SORL1: variants seen among roughly 807,000 people sequenced by gnomAD.
SORL1 encodes the protein sortilin related receptor 1.
In SORL1, 127 loss-of-function variants were observed where a neutral mutation model predicts 273.7. That is an observed-to-expected ratio of 0.46 (90% CI 0.40 to 0.54). The LOEUF (loss-of-function observed/expected upper bound fraction) is 0.54. Ranked by LOEUF, SORL1 falls within the 20% of genes least tolerant of loss-of-function variation. The probability of loss-of-function intolerance (pLI) is 0.00; values close to 1 mark genes in which losing one functional copy is unlikely to be tolerated. For missense variants in SORL1, 2,494 were observed against 2,846.1 expected, an observed-to-expected ratio of 0.88 and a Z score of 2.81; for synonymous variants, 1,031 against 1,067.4, an observed-to-expected ratio of 0.97 and a Z score of 0.66.
chr11:121,503,982 A>G (rs1861751518), intron 6 of SORL1, among the ~76,000 whole-genome samples: 1 of 152,230 alleles, frequency 6.6e-6, no homozygotes, highest in Admixed American at 6.5e-5. Context: ...CACAATTTGG[A>G]GAGTGTTATC....
intron 5 of SORL1, among the ~76,000 whole-genome samples, chr11:121,495,534 A>G (rs1861616860): frequency 6.6e-6 from 1 of 152,204 alleles, no homozygotes; most frequent in South Asian, 2.1e-4. Context: ...ATGGGATTGT[A>G]TAAGGGCAGT....
At chr11:121,575,083 C>A (rs1202294560) in intron 24 of SORL1, among the ~76,000 whole-genome samples, 3 of 152,122 alleles carry the variant, frequency 2.0e-5, no homozygotes, top group Non-Finnish European at 4.4e-5. Context: ...GTTACAATTC[C>A]AAGGAATGAT....
Position 121,550,660 on chromosome 11 carries a change from T to C in SORL1, c.2256T>C (p.Cys752=). Residue 752 remains cysteine (C), a synonymous_variant, in exon 16 of 48, where the codon TGT becomes TGC. Coordinates refer to ENST00000260197, the MANE Select transcript of SORL1 (RefSeq NM_003105.6). This position sits in a 1 kb window ranked among gnomAD's most constrained non-coding sequence, Gnocchi z 5.3. ...EARLEGELVP[C]PLAEENEFIL... is the part of the protein sequence containing the mutation. The stretch of plus-strand genomic sequence containing the variant: ...GACTGGAAGGAGAGCTGGTCCCCTG[T>C]CCCCTGGCAGGTAAGAGAGGTGGTT... 1 of 1,613,394 alleles carries C rather than the reference T, an allele frequency of 6.2e-7. No individual in the cohort carries two copies. Among genetic ancestry groups the C allele is most frequent in the Non-Finnish European group, 8.5e-7 (1 of 1,179,336 alleles).
In SORL1 at chr11:121,631,384, A is replaced by C. The variant is rs972106393; in HGVS notation, c.*1821A>C. The C allele has an allele frequency of 1.3e-5, 2 of 149,884 alleles. No homozygotes were observed. The highest frequency in any genetic ancestry group is 6.6e-5 in the Admixed American group (1 of 15,044). The allele number at this position is 149,884 out of a possible 1,614,324, so 9.3% of individuals were successfully genotyped here. A position where few individuals can be genotyped will look rare whatever the true frequency, so the allele number is the denominator to read the frequency against. ...CTTTCCTAAGTTTTTTTTTTTAAAGACTGGAATTTTTTTTGGCTTTATCTT... is the reference window on the plus strand; with the variant it reads ...CTTTCCTAAGTTTTTTTTTTTAAAGCCTGGAATTTTTTTTGGCTTTATCTT... On this transcript the variant is annotated 3_prime_UTR_variant, in exon 48 of 48. Coordinates refer to ENST00000260197, the MANE Select transcript of SORL1 (RefSeq NM_003105.6).
chr11:121,529,067 G>A (rs1175659081), intron 11 of SORL1, among the ~76,000 whole-genome samples: 3 of 152,014 alleles, frequency 2.0e-5, no homozygotes, highest in Non-Finnish European at 4.4e-5. Context: ...GTTGTTAAGT[G>A]TATTCACATT....
At chr11:121,583,426 G>GT in intron 25 of SORL1, 32 bp from the exon 26 acceptor site, 1 of 1,598,138 alleles carries the variant, frequency 6.3e-7, no homozygotes, top group South Asian at 1.1e-5. Context: ...GAGATGAGGG[G>GT]TGTGCGACTG....
chr11:121,590,424 A>G (rs1244142385), intron 30 of SORL1: 6 of 503,870 alleles, frequency 1.2e-5, no homozygotes, highest in African/African-American at 9.6e-5. Flanking sequence ...TACTCAAAGT[A>G]TGGTTTGCAA....
At chr11:121,625,316 A>G in intron 46 of SORL1, 39 bp downstream of exon 46, 3 of 1,501,736 alleles carry the variant, frequency 2.0e-6, no homozygotes, top group Non-Finnish European at 2.7e-6. Flanking sequence ...CTTCAGTTCT[A>G]GGGAAATAGC....
In SORL1 at chr11:121,508,893, T is replaced by C. The variant is rs1328999492; in HGVS notation, c.940-4110T>C. On this transcript the variant is annotated intron_variant, in intron 6 of 47. Transcript: ENST00000260197. Reference sequence around the variant, plus strand: ...TGGATAAGTATATTTTTAGAGTTCCTAGAAATGCTTCCAATTAATATTAAC... The same window carrying C: ...TGGATAAGTATATTTTTAGAGTTCCCAGAAATGCTTCCAATTAATATTAAC... 7.2e-5 allele frequency among the ~76,000 whole-genome samples: 11 copies of C among 152,330 alleles called. No individual in the cohort carries two copies. The East Asian group carries it at 2.1e-3, about 29-fold the overall frequency.
In SORL1 at chr11:121,589,255, G is replaced by A. The variant is rs1863170831; in HGVS notation, c.3947-4G>A. On this transcript the variant is annotated splice_region_variant and splice_polypyrimidine_tract_variant and intron_variant, in intron 28 of 47. Coordinates refer to ENST00000260197, the MANE Select transcript of SORL1 (RefSeq NM_003105.6). The stretch of plus-strand genomic sequence containing the variant: ...GACTTCATGGATGTTTGTTCCCTCT[G>A]TAGCCCAAGATCCTGAGTTCCACAA... 1 of 1,612,582 alleles carries A rather than the reference G, an allele frequency of 6.2e-7. No individual in the cohort carries two copies. The highest frequency in any genetic ancestry group is 1.3e-5 in the African/African-American group (1 of 74,920).
intron 21 of SORL1, among the ~76,000 whole-genome samples, chr11:121,565,225 G>A (rs775224383): frequency 3.3e-5 from 5 of 152,176 alleles, no homozygotes; most frequent in Admixed American, 6.5e-5. Flanking sequence ...CTCTGGAGGT[G>A]TATGTTTTCT....
intron 5 of SORL1, among the ~76,000 whole-genome samples, chr11:121,492,506 T>C (rs1861569066): frequency 6.6e-6 from 1 of 152,234 alleles, no homozygotes. Flanking sequence ...CATTCTAATA[T>C]ACTATTATTA....
intron 1 of SORL1, among the ~76,000 whole-genome samples, chr11:121,465,007 T>TA (rs1422002193): frequency 6.6e-6 from 1 of 152,186 alleles, no homozygotes; most frequent in Non-Finnish European, 1.5e-5. Flanking sequence ...CTAGAGGCCT[T>TA]AAAAAAATTT....
In SORL1 at chr11:121,605,259, T is replaced by C. The variant is rs1565351961; in HGVS notation, c.4778+20T>C. On this transcript the variant is annotated intron_variant, in intron 34 of 47. Transcript: ENST00000260197. Reference sequence around the variant, plus strand: ...CTACAGGTAGGTCCCATCTTTGTCATGGGAGATGAAAATGATGTCTTCATT... The same window carrying C: ...CTACAGGTAGGTCCCATCTTTGTCACGGGAGATGAAAATGATGTCTTCATT... 6.2e-7 allele frequency: 1 copy of C among 1,603,592 alleles called. No homozygotes were observed. Among genetic ancestry groups the C allele is most frequent in the Non-Finnish European group, 8.5e-7 (1 of 1,174,994 alleles).
Position 121,452,530 on chromosome 11 carries a change from A to AG in SORL1, c.205dup (p.Ala69GlyfsTer29), listed in dbSNP as rs907598823. On this transcript the variant is annotated frameshift_variant, in exon 1 of 48. Coordinates refer to ENST00000260197, the MANE Select transcript of SORL1 (RefSeq NM_003105.6). LOFTEE classifies it high-confidence loss of function. This position sits in a 1 kb window ranked among gnomAD's most constrained non-coding sequence, Gnocchi z 5.3. ...GCGGCTGTGGGCGCGCGGGGATGCCAGGGGGGCGAGCCGCGCGGACGAGAA... is the reference window on the plus strand; with the variant it reads ...GCGGCTGTGGGCGCGCGGGGATGCCAGGGGGGGCGAGCCGCGCGGACGAGAA... 3.4e-6 allele frequency: 5 copies of AG among 1,483,856 alleles called. No individual in the cohort carries two copies. The highest frequency in any genetic ancestry group is 2.8e-5 in the East Asian group (1 of 35,834). The allele number at this position is 1,483,856 out of a possible 1,614,324, so 91.9% of individuals were successfully genotyped here.
chr11:121,464,365 C>T (rs1013676432), intron 1 of SORL1, among the ~76,000 whole-genome samples: 1 of 152,186 alleles, frequency 6.6e-6, no homozygotes, highest in Non-Finnish European at 1.5e-5. Flanking sequence ...AACCCTAATT[C>T]CCCCAGAAGT....
chr11:121,464,523 A>AT (rs375361695), intron 1 of SORL1, among the ~76,000 whole-genome samples: 1,634 of 152,294 alleles, frequency 0.011, 32 homozygotes, highest in African/African-American at 0.037. Context: ...CCCTCTATTT[A>AT]TAACAACCCA....
At position 121,590,366 on chromosome 11, in the gene SORL1, CTATT is replaced by C. The variant is rs1863191099; in HGVS notation, c.4213+197_4213+200del. On this transcript the variant is annotated intron_variant, in intron 30 of 47. Transcript: ENST00000260197. The stretch of plus-strand genomic sequence containing the variant: ...GTGGTTGGTTTCTCCTATTTTCAGG[CTATT>C]TATTCCGTATTTGCAGGGCAGAGTG... 8 of 574,848 alleles carry C rather than the reference CTATT, an allele frequency of 1.4e-5. No individual in the cohort carries two copies. The South Asian group carries it at 1.8e-4, about 13-fold the overall frequency. 35.6% of individuals were successfully genotyped at this position (574,848 alleles called of 1,614,324 possible).
intron 41 of SORL1, among the ~76,000 whole-genome samples, chr11:121,616,030 G>A (rs747913214): frequency 1.1e-4 from 17 of 152,264 alleles, no homozygotes; most frequent in African/African-American, 2.9e-4. Context: ...AGCACCTGAC[G>A]CTGAGGCAGG....
Sources: allele counts gnomAD v4.1 joint callset (sites outside exome capture counted in the v4.1 genomes callset), GRCh38; gene constraint gnomAD v4.1.1; non-coding constraint Gnocchi (gnomAD v3.1); transcripts MANE v1.5; gene names NCBI Gene and HGNC (gene_info 2026-07-23, HGNC 2026-07-21).